The following TRPC4 variants were observed in gnomAD, a reference collection of about 807,000 sequenced individuals.
The protein encoded by TRPC4 is short transient receptor potential channel 4.
Under a neutral mutation model 99.4 loss-of-function variants are expected in TRPC4, and 49 were observed. That is an observed-to-expected ratio of 0.49 (90% CI 0.39 to 0.63). The LOEUF is 0.63. Among genes scored for constraint, TRPC4 ranks in the 20% least tolerant of loss-of-function variants. The probability of loss-of-function intolerance (pLI) is 0.00; values close to 1 mark genes in which losing one functional copy is unlikely to be tolerated. For synonymous variants in TRPC4, 454 were observed against 425.9 expected (o/e 1.07, Z -0.81); for missense variants, 898 against 1,152.9 (o/e 0.78, Z 3.20).
intron 3 of TRPC4, among the ~76,000 whole-genome samples, chr13:37,723,459 T>C (rs1016431297): frequency 6.6e-6 from 1 of 152,182 alleles, no homozygotes. Flanking sequence ...CCTTATTAGA[T>C]TGGTAAAATT....
intron 2 of TRPC4, among the ~76,000 whole-genome samples, chr13:37,780,928 G>A (rs1393053032): frequency 6.6e-6 from 1 of 152,044 alleles, no homozygotes; most frequent in Non-Finnish European, 1.5e-5. Flanking sequence ...TGATATAAGA[G>A]AAATCTTCCA....
At chr13:37,644,656 G>A (rs1320719800) in intron 8 of TRPC4, among the ~76,000 whole-genome samples, 2 of 151,884 alleles carry the variant, frequency 1.3e-5, no homozygotes, top group Non-Finnish European at 2.9e-5. Context: ...GGATCACGAG[G>A]TCAGGAGCTC....
intron 1 of TRPC4, among the ~76,000 whole-genome samples, chr13:37,844,192 G>T (rs1019117628): frequency 6.6e-6 from 1 of 152,144 alleles, no homozygotes; most frequent in Non-Finnish European, 1.5e-5. Flanking sequence ...TGCAGACCTT[G>T]GTAGTTACTC....
intron 3 of TRPC4, among the ~76,000 whole-genome samples, chr13:37,715,541 T>C (rs1954633123): frequency 6.6e-6 from 1 of 152,154 alleles, no homozygotes; most frequent in African/African-American, 2.4e-5. Context: ...AAAATATTAT[T>C]AGTTCTTTCC....
chr13:37,773,439 G>A (rs1337790729), intron 2 of TRPC4, among the ~76,000 whole-genome samples: 1 of 151,776 alleles, frequency 6.6e-6, no homozygotes, highest in African/African-American at 2.4e-5. Flanking sequence ...TCATGCACAT[G>A]CATTTATTCC....
chr13:37,680,682 T>A (rs531001849), intron 4 of TRPC4, among the ~76,000 whole-genome samples: 6 of 152,230 alleles, frequency 3.9e-5, no homozygotes, highest in African/African-American at 1.4e-4. Flanking sequence ...TTGCCAAATG[T>A]AAGGAAGAAT....
Position 37,842,372 on chromosome 13 carries a change from G to GAAAA in TRPC4, c.-28+27219_-28+27222dup, listed in dbSNP as rs1566216069. On this transcript the variant is annotated intron_variant, in intron 1 of 10. Transcript: ENST00000379705. Reference sequence around the variant, plus strand: ...AAAAAAAAAAAAAAAAAAAAAAAAGGAAAAGGAAAAGTATAAATCGGGGGC... The same window carrying GAAAA: ...AAAAAAAAAAAAAAAAAAAAAAAAGGAAAAAAAAGGAAAAGTATAAATCGGGGGC... Among the ~76,000 whole-genome samples, 94 of 72,116 alleles carry GAAAA rather than the reference G, an allele frequency of 1.3e-3. 3 individuals carry two copies. Among genetic ancestry groups the GAAAA allele is most frequent in the African/African-American group, 1.7e-3 (33 of 18,906 alleles). 47.3% of individuals were successfully genotyped at this position (72,116 alleles called of 152,430 possible).
In TRPC4 at chr13:37,636,777, A is replaced by G. The variant is rs761917383; in HGVS notation, c.*126T>C. 1 of 1,325,854 alleles carries G rather than the reference A, an allele frequency of 7.5e-7. No homozygotes were observed. Among genetic ancestry groups the G allele is most frequent in the East Asian group, 2.4e-5 (1 of 41,666 alleles). The allele number at this position is 1,325,854 out of a possible 1,614,324, so 82.1% of individuals were successfully genotyped here. ...CTTATTTAAACATGTTACAGGTAATATGCCACAGCTGATAAACGCTATAAA... is the reference window on the plus strand; with the variant it reads ...CTTATTTAAACATGTTACAGGTAATGTGCCACAGCTGATAAACGCTATAAA... On this transcript the variant is annotated 3_prime_UTR_variant, in exon 11 of 11. Transcript: ENST00000379705.
At chr13:37,827,535 G>A (rs1958269632) in intron 1 of TRPC4, among the ~76,000 whole-genome samples, 1 of 152,140 alleles carries the variant, frequency 6.6e-6, no homozygotes, top group Non-Finnish European at 1.5e-5. Context: ...CCTGCGGTGT[G>A]AGGTGTCAGT....
intron 1 of TRPC4, among the ~76,000 whole-genome samples, chr13:37,792,415 G>A (rs1398888694): frequency 6.6e-6 from 1 of 151,952 alleles, no homozygotes; most frequent in African/African-American, 2.4e-5. Flanking sequence ...ATGTATATAC[G>A]ATGTAAAAAC....
chr13:37,805,127 C>G (rs931437595), intron 1 of TRPC4, among the ~76,000 whole-genome samples: 18 of 151,950 alleles, frequency 1.2e-4, no homozygotes, highest in Admixed American at 3.3e-4. Flanking sequence ...TGTGAAAGAA[C>G]TCAGATTCCC....
At chr13:37,647,378 G>T (rs1278441127) in intron 8 of TRPC4, among the ~76,000 whole-genome samples, 1 of 152,180 alleles carries the variant, frequency 6.6e-6, no homozygotes, top group African/African-American at 2.4e-5. Flanking sequence ...AGGGCAGAAG[G>T]TAAACCAGCC....
intron 1 of TRPC4, among the ~76,000 whole-genome samples, chr13:37,833,983 A>C (rs953084005): frequency 2.0e-5 from 3 of 152,232 alleles, no homozygotes. Flanking sequence ...TAACTGAGCT[A>C]ATAAATCATG....
intron 6 of TRPC4, among the ~76,000 whole-genome samples, chr13:37,658,687 G>A (rs4943528): frequency 0.4 from 60,841 of 151,968 alleles, 12,804 homozygotes; most frequent in East Asian, 0.73. Flanking sequence ...ACCTTACCAG[G>A]GGCTAATAGC....
Position 37,864,714 on chromosome 13 carries a change from T to A in TRPC4, c.-28+4881A>T, listed in dbSNP as rs535762406. Among the ~76,000 whole-genome samples the A allele has an allele frequency of 2.0e-5, 3 of 151,650 alleles. 1 individual carries two copies. In the East Asian group the frequency reaches 5.8e-4, roughly 29 times the overall value. ...GCCTGCAAGACAGAATATAACAAGC[T>A]CTTTGCTTGTATTTATACTTGGGAC... On this transcript the variant is annotated intron_variant, in intron 1 of 10. Transcript: ENST00000379705.
At chr13:37,725,991 T>C (rs1208398775) in intron 3 of TRPC4, among the ~76,000 whole-genome samples, 8 of 151,886 alleles carry the variant, frequency 5.3e-5, no homozygotes, top group African/African-American at 1.9e-4. Context: ...AGGTCAGGAG[T>C]TGGAGACCAG....
chr13:37,683,601 G>T (rs1953337618), intron 4 of TRPC4, among the ~76,000 whole-genome samples: 1 of 152,090 alleles, frequency 6.6e-6, no homozygotes, highest in Non-Finnish European at 1.5e-5. Flanking sequence ...CCTCAGGAGG[G>T]TCAGCATCAC....
intron 3 of TRPC4, among the ~76,000 whole-genome samples, chr13:37,715,846 C>G (rs1483731948): frequency 2.6e-5 from 4 of 152,160 alleles, no homozygotes; most frequent in Non-Finnish European, 5.9e-5. Context: ...TTGTCTATCT[C>G]TCTCCTCTTG....
At chr13:37,814,907 C>T (rs186155772) in intron 1 of TRPC4, among the ~76,000 whole-genome samples, 4,911 of 151,772 alleles carry the variant, frequency 0.032, 270 homozygotes, top group African/African-American at 0.11. Context: ...ATTTGGAGGA[C>T]TTGCATTATC....
Sources: gnomAD v4.1 joint callset for allele counts (sites outside exome capture counted in the v4.1 genomes callset) on GRCh38, gnomAD v4.1.1 for gene constraint, MANE v1.5 for transcripts, NCBI Gene and HGNC (gene_info 2026-07-23, HGNC 2026-07-21) for gene names.